CFAP161: variants seen among roughly 807,000 people sequenced by gnomAD.
CFAP161 encodes the protein cilia- and flagella-associated protein 161.
In CFAP161, 25 loss-of-function variants were observed where a neutral mutation model predicts 29.0. The observed-to-expected ratio is 0.86, with a 90% confidence interval of 0.63 to 1.20. CFAP161 has a LOEUF of 1.20. CFAP161 is among the 50% of genes most tolerant of loss of function. The pLI, the probability that CFAP161 is intolerant of heterozygous loss-of-function variation, is 0.00. For missense variants in CFAP161, 367 were observed against 371.9 expected (o/e 0.99, Z 0.11); for synonymous variants, 116 against 137.4 (o/e 0.84, Z 1.09).
chr15:81,105,279 C>CT (rs1412164863), intron 1 of CFAP161, among the ~76,000 whole-genome samples: 6 of 119,220 alleles, frequency 5.0e-5, no homozygotes, highest in Admixed American at 2.8e-4. Flanking sequence ...CTTTCTTTTT[C>CT]TTTTTTCCTT....
At chr15:81,109,337 C>T (rs1344849849) in intron 1 of CFAP161, among the ~76,000 whole-genome samples, 1 of 152,202 alleles carries the variant, frequency 6.6e-6, no homozygotes, top group Non-Finnish European at 1.5e-5. Flanking sequence ...TATTTCATCT[C>T]CTGTTGCAGT....
At chr15:81,113,392 A>C (rs961402294) in intron 1 of CFAP161, among the ~76,000 whole-genome samples, 1 of 152,162 alleles carries the variant, frequency 6.6e-6, no homozygotes, top group Non-Finnish European at 1.5e-5. Context: ...TCTGACATTA[A>C]CTACCTGGAG....
intron 1 of CFAP161, among the ~76,000 whole-genome samples, chr15:81,101,845 G>A (rs570938514): frequency 6.6e-6 from 1 of 152,156 alleles, no homozygotes; most frequent in East Asian, 1.9e-4. Context: ...CTGTTTGATT[G>A]CAATGACATC....
chr15:81,105,906 G>A (rs1894367235), intron 1 of CFAP161, among the ~76,000 whole-genome samples: 1 of 152,204 alleles, frequency 6.6e-6, no homozygotes. Flanking sequence ...GATGTGGCAG[G>A]TGCTTTCAAA....
At chr15:81,109,523 G>A (rs1217988394) in intron 1 of CFAP161, among the ~76,000 whole-genome samples, 1 of 152,156 alleles carries the variant, frequency 6.6e-6, no homozygotes, top group Admixed American at 6.5e-5. Context: ...GGGCAACATA[G>A]TAAGACCCTG....
intron 1 of CFAP161, among the ~76,000 whole-genome samples, chr15:81,099,693 AC>A (rs1323516427): frequency 6.6e-6 from 1 of 152,092 alleles, no homozygotes. Flanking sequence ...TCCTTTTACT[AC>A]CCTTAGAACA....
At chr15:81,122,278 G>A (rs1269886302) in intron 1 of CFAP161, among the ~76,000 whole-genome samples, 2 of 152,076 alleles carry the variant, frequency 1.3e-5, no homozygotes, top group Admixed American at 6.6e-5. Flanking sequence ...AGGTCTTTGA[G>A]GAATGGCCAC....
chr15:81,119,401 T>C (rs148153493), intron 1 of CFAP161, among the ~76,000 whole-genome samples: 2 of 152,298 alleles, frequency 1.3e-5, no homozygotes, highest in Non-Finnish European at 2.9e-5. Context: ...AGAATACTCA[T>C]ATTAATAAGA....
chr15:81,109,660 C>T (rs559899906), intron 1 of CFAP161, among the ~76,000 whole-genome samples: 91 of 152,238 alleles, frequency 6.0e-4, no homozygotes, highest in African/African-American at 2.1e-3. Context: ...CCTATGATTG[C>T]ACCATGGCAC....
At chr15:81,105,959 T>C (rs1336014559) in intron 1 of CFAP161, among the ~76,000 whole-genome samples, 1 of 152,192 alleles carries the variant, frequency 6.6e-6, no homozygotes, top group Non-Finnish European at 1.5e-5. Context: ...GCTAAGGCTA[T>C]GTCGATGAAA....
chr15:81,146,981 A>G (rs1296383943), intron 5 of CFAP161, among the ~76,000 whole-genome samples: 3 of 150,456 alleles, frequency 2.0e-5, no homozygotes, highest in Non-Finnish European at 3.0e-5. Flanking sequence ...TTACCCTGAC[A>G]ATGTAAAGTG....
chr15:81,124,597 T>C (rs1894617201), intron 1 of CFAP161, among the ~76,000 whole-genome samples: 1 of 152,180 alleles, frequency 6.6e-6, no homozygotes. Flanking sequence ...GTACCAGCTC[T>C]TCTTTGTACC....
At chr15:81,104,322 C>A (rs1817259464) in intron 1 of CFAP161, among the ~76,000 whole-genome samples, 1 of 152,210 alleles carries the variant, frequency 6.6e-6, no homozygotes, top group South Asian at 2.1e-4. Context: ...TCAATTTTCC[C>A]TCTAGTGCAG....
At chr15:81,118,399 A>T (rs1894526862) in intron 1 of CFAP161, 1 of 225,912 alleles carries the variant, frequency 4.4e-6, no homozygotes, top group Non-Finnish European at 8.7e-6. Flanking sequence ...GGTAAACCTG[A>T]TGGACGAATT....
At chr15:81,102,623 G>A (rs1894316652) in intron 1 of CFAP161, among the ~76,000 whole-genome samples, 1 of 152,210 alleles carries the variant, frequency 6.6e-6, no homozygotes, top group Non-Finnish European at 1.5e-5. Flanking sequence ...AGCTGTGATT[G>A]CATCACTGCC....
At chr15:81,139,067 C>T (rs1329350129) in intron 4 of CFAP161, among the ~76,000 whole-genome samples, 1 of 151,988 alleles carries the variant, frequency 6.6e-6, no homozygotes, top group Admixed American at 6.6e-5. Flanking sequence ...TTTGGGAGAC[C>T]AAGGCAAGAG....
intron 1 of CFAP161, among the ~76,000 whole-genome samples, chr15:81,123,559 T>C (rs928553431): frequency 6.6e-6 from 1 of 152,244 alleles, no homozygotes; most frequent in African/African-American, 2.4e-5. Flanking sequence ...AAATAGTTTT[T>C]TTCTAGTTCT....
upstream of CFAP161, among the ~76,000 whole-genome samples, chr15:81,131,651 A>T (rs1392286679): frequency 6.6e-6 from 1 of 152,196 alleles, no homozygotes; most frequent in Non-Finnish European, 1.5e-5. Context: ...ACAGAGAGAA[A>T]AAAATGAAGA....
intron 5 of CFAP161, among the ~76,000 whole-genome samples, chr15:81,144,645 G>A (rs1363136845): frequency 6.6e-6 from 1 of 151,990 alleles, no homozygotes; most frequent in African/African-American, 2.4e-5. Flanking sequence ...ATATTAGCCA[G>A]GTGTGGTGGT....
Sources: allele counts gnomAD v4.1 joint callset (sites outside exome capture counted in the v4.1 genomes callset), GRCh38; gene constraint gnomAD v4.1.1; transcripts MANE v1.5; gene names NCBI Gene and HGNC (gene_info 2026-07-23, HGNC 2026-07-21).